The following SNX24 variants were observed in gnomAD, a reference collection of about 807,000 sequenced individuals.
SNX24 encodes sorting nexin 24.
Under a neutral mutation model 28.7 loss-of-function variants are expected in SNX24, and 22 were observed. The observed-to-expected ratio is 0.77, with a 90% CI of 0.55 to 1.10. SNX24 has a LOEUF of 1.10. SNX24 is among the 50% of genes least tolerant of loss of function. The pLI, the probability that SNX24 is intolerant of heterozygous loss-of-function variation, is 0.00. For synonymous variants in SNX24, 69 were observed against 71.5 expected (o/e 0.96, Z 0.18); for missense variants, 221 against 201.1 (o/e 1.10, Z -0.60).
intron 5 of SNX24, chr5:123,023,369 T>C (rs1425668673): frequency 6.6e-6 from 1 of 152,218 alleles, no homozygotes; most frequent in African/African-American, 2.4e-5. Flanking sequence ...TTTTAAAAAG[T>C]CTTGCAAAAA....
chr5:122,897,993 A>G (rs1184161425), intron 1 of SNX24, among the ~76,000 whole-genome samples: 3 of 152,230 alleles, frequency 2.0e-5, no homozygotes, highest in Non-Finnish European at 4.4e-5. Flanking sequence ...GATCAACAGT[A>G]TTGTAAAATG....
intron 3 of SNX24, among the ~76,000 whole-genome samples, chr5:122,977,988 A>C (rs1031839279): frequency 3.3e-5 from 5 of 152,214 alleles, no homozygotes; most frequent in African/African-American, 1.2e-4. Context: ...ATGATATACA[A>C]ACATTGATAA....
At chr5:122,958,666 C>T (rs1760324983) in intron 3 of SNX24, among the ~76,000 whole-genome samples, 1 of 151,826 alleles carries the variant, frequency 6.6e-6, no homozygotes, top group Non-Finnish European at 1.5e-5. Flanking sequence ...TCCTTGTATT[C>T]CAGGAATAAA....
intron 1 of SNX24, among the ~76,000 whole-genome samples, chr5:122,868,248 C>G (rs1007561517): frequency 1.3e-5 from 2 of 152,138 alleles, no homozygotes; most frequent in African/African-American, 2.4e-5. Context: ...TTGGGTTCAT[C>G]TCATATATAC....
At chr5:122,910,117 T>C (rs1047114871) in intron 1 of SNX24, among the ~76,000 whole-genome samples, 1 of 152,190 alleles carries the variant, frequency 6.6e-6, no homozygotes, top group African/African-American at 2.4e-5. Flanking sequence ...TCACCAGAGA[T>C]AAAGTTTACT....
chr5:122,987,745 CTCGCCAATAGTA>C (rs1263440713), intron 3 of SNX24, among the ~76,000 whole-genome samples: 19 of 152,136 alleles, frequency 1.2e-4, no homozygotes, highest in Non-Finnish European at 8.8e-5. Context: ...GATTGGAAGT[CTCGCCAATAGTA>C]GCGGGGCAAC....
At chr5:122,860,197 GTTC>G (rs1252640994) in intron 1 of SNX24, among the ~76,000 whole-genome samples, 1 of 152,148 alleles carries the variant, frequency 6.6e-6, no homozygotes, top group Non-Finnish European at 1.5e-5. Flanking sequence ...ATATTTTGAT[GTTC>G]TTCTTTCTCT....
chr5:122,909,866 A>G (rs967081956), intron 1 of SNX24, among the ~76,000 whole-genome samples: 1 of 152,202 alleles, frequency 6.6e-6, no homozygotes, highest in Non-Finnish European at 1.5e-5. Flanking sequence ...CTACAGGCAG[A>G]TCTTGTAGTA....
intron 3 of SNX24, among the ~76,000 whole-genome samples, chr5:122,951,099 C>T (rs1053629879): frequency 6.6e-6 from 1 of 151,806 alleles, no homozygotes; most frequent in South Asian, 2.1e-4. Flanking sequence ...AACCCCATCT[C>T]TACTAAAAAT....
intron 3 of SNX24, among the ~76,000 whole-genome samples, chr5:122,989,763 G>A (rs1477792232): frequency 6.6e-6 from 1 of 152,176 alleles, no homozygotes; most frequent in Non-Finnish European, 1.5e-5. Context: ...CTTGTGTATA[G>A]GTCCCTGAAC....
At chr5:122,856,205 AC>A (rs1421041851) in intron 1 of SNX24, among the ~76,000 whole-genome samples, 1 of 151,880 alleles carries the variant, frequency 6.6e-6, no homozygotes, top group Non-Finnish European at 1.5e-5. Context: ...TAACTCACTT[AC>A]AAGTGAGAAT....
chr5:122,971,827 C>G (rs939039089), intron 3 of SNX24, among the ~76,000 whole-genome samples: 10 of 152,174 alleles, frequency 6.6e-5, no homozygotes, highest in Admixed American at 5.9e-4. Context: ...CTTCTACTGT[C>G]TATTCTGTAT....
intron 3 of SNX24, among the ~76,000 whole-genome samples, chr5:122,971,350 A>T (rs574001706): frequency 6.6e-6 from 1 of 152,220 alleles, no homozygotes; most frequent in South Asian, 2.1e-4. Flanking sequence ...CAGTCCACTG[A>T]CTCAAATGTT....
At chr5:123,019,134 C>G (rs1433619568) in intron 5 of SNX24, among the ~76,000 whole-genome samples, 1 of 152,018 alleles carries the variant, frequency 6.6e-6, no homozygotes, top group African/African-American at 2.4e-5. Flanking sequence ...ACTAGCAAAC[C>G]TTGGAGGCAC....
intron 3 of SNX24, among the ~76,000 whole-genome samples, chr5:122,946,412 G>GT (rs1759687359): frequency 6.6e-6 from 1 of 152,120 alleles, no homozygotes. Context: ...GAGAGGATCT[G>GT]TTTTTTAATT....
At chr5:122,880,467 A>T (rs911934032) in intron 1 of SNX24, among the ~76,000 whole-genome samples, 2 of 152,194 alleles carry the variant, frequency 1.3e-5, no homozygotes, top group African/African-American at 4.8e-5. Flanking sequence ...GAGCTTTTAC[A>T]ATAACCAGAT....
At chr5:122,852,263 A>G (rs1435683109) in intron 1 of SNX24, among the ~76,000 whole-genome samples, 2 of 151,394 alleles carry the variant, frequency 1.3e-5, no homozygotes, top group Non-Finnish European at 2.9e-5. Flanking sequence ...TTGCTGAACT[A>G]TTTTGTATTT....
chr5:122,923,339 T>TAA (rs908914752), intron 1 of SNX24, among the ~76,000 whole-genome samples: 1 of 140,738 alleles, frequency 7.1e-6, no homozygotes, highest in Non-Finnish European at 1.6e-5. Context: ...ACCCCATCTC[T>TAA]AAAAAAAAAA....
chr5:122,860,558 A>AT (rs1221420338), intron 1 of SNX24, among the ~76,000 whole-genome samples: 3 of 152,150 alleles, frequency 2.0e-5, no homozygotes, highest in Admixed American at 1.3e-4. Flanking sequence ...TGAGAGGTGC[A>AT]TACCACATTT....
Sources: allele counts gnomAD v4.1 joint callset (sites outside exome capture counted in the v4.1 genomes callset), GRCh38; gene constraint gnomAD v4.1.1; transcripts MANE v1.5; gene names NCBI Gene and HGNC (gene_info 2026-07-23, HGNC 2026-07-21).